The following ASIC1 variants were observed in gnomAD, a reference collection of about 807,000 sequenced individuals.
ASIC1 encodes acid sensing ion channel subunit 1.
A neutral mutation model predicts 63.4 loss-of-function variants in ASIC1; 21 were observed. The ratio of observed to expected loss-of-function variants is 0.33; its 90% CI spans 0.23 to 0.48. The LOEUF (loss-of-function observed/expected upper bound fraction) is 0.48, where lower values mean the gene tolerates loss of function less well. Among genes scored for constraint, ASIC1 ranks in the 20% least tolerant of loss-of-function variants. The pLI is 0.99. For synonymous variants in ASIC1, 258 were observed against 278.2 expected, an observed-to-expected ratio of 0.93 and a Z score of 0.72; for missense variants, 478 against 695.5, an observed-to-expected ratio of 0.69 and a Z score of 3.52.
chr12:50,073,271 C>T (rs927933921), intron 3 of ASIC1, among the ~76,000 whole-genome samples: 6 of 152,166 alleles, frequency 3.9e-5, no homozygotes, highest in Admixed American at 1.3e-4. Context: ...TCTGTGCTGC[C>T]GGAGCTGGTG....
chr12:50,058,897 C>A lies in ASIC1; in HGVS notation c.131C>A (p.Ala44Glu). The change falls in exon 2 of 12, where the codon GCA becomes GAA. Residue 44 changes from alanine to glutamate, a missense_variant. By Grantham distance (107) the Ala-to-Glu change is moderately radical. This residue lies in a region of ASIC1 where 290 missense variants were observed against 414.9 expected (regional missense o/e 0.70). Transcript: ENST00000447966. ...FSYERLSLKR[A>E]LWALCFLGSL... ...TACGAGCGGCTGTCTCTGAAGCGGGCACTGTGGGCCCTGTGCTTCCTGGGC... is the reference window on the plus strand; with the variant it reads ...TACGAGCGGCTGTCTCTGAAGCGGGAACTGTGGGCCCTGTGCTTCCTGGGC... 6.2e-7 allele frequency: 1 copy of A among 1,614,128 alleles called. No homozygotes were observed. Among genetic ancestry groups the A allele is most frequent in the Non-Finnish European group, 8.5e-7 (1 of 1,180,010 alleles).
chr12:50,076,967 G>T, intron 3 of ASIC1: 1 of 655,544 alleles, frequency 1.5e-6, no homozygotes, highest in Non-Finnish European at 2.8e-6. Flanking sequence ...ACCCCAACTA[G>T]AAGCCCATGC....
In ASIC1 at chr12:50,081,321, C is replaced by T. The variant is rs750518534; in HGVS notation, c.1439C>T (p.Ala480Val). The change falls in exon 11 of 12, where the codon GCG (alanine) becomes GTG (valine). Residue 480 changes from alanine to valine, a missense_variant. Ala to Val is a moderately conservative substitution (Grantham distance 64). Around this residue, in one of 3 missense-constraint regions of ASIC1, gnomAD observed 104 missense variants for 97.0 expected, o/e 1.07. Coordinates refer to ENST00000447966, the MANE Select transcript of ASIC1 (RefSeq NM_001095.4). ...CAGAAGGAGGCCAAAAGGAGCAGTG[C>T]GGACAAGGGCGTGGCCCTCAGCCTG... ...KCQKEAKRSS[A>V]DKGVALSLDD... 1.1e-5 allele frequency: 17 copies of T among 1,610,640 alleles called. No homozygotes were observed. The Middle Eastern group carries it at 5.0e-4, about 47-fold the overall frequency.
At chr12:50,073,474 G>A (rs996296571) in intron 3 of ASIC1, 41 of 1,426,968 alleles carry the variant, frequency 2.9e-5, no homozygotes, top group Admixed American at 1.1e-4. Context: ...CCTGGCTGAC[G>A]GGCTGGGTGG....
chr12:50,062,361 G>A (rs1346562742), intron 3 of ASIC1, among the ~76,000 whole-genome samples: 1 of 152,226 alleles, frequency 6.6e-6, no homozygotes, highest in Non-Finnish European at 1.5e-5. Flanking sequence ...CTAGCCCTGG[G>A]CAGATGTAGC....
At chr12:50,075,618 G>A (rs1407865379) in intron 3 of ASIC1, among the ~76,000 whole-genome samples, 1 of 152,192 alleles carries the variant, frequency 6.6e-6, no homozygotes, top group Non-Finnish European at 1.5e-5. Flanking sequence ...TCCTCTTCTG[G>A]AGGTCAATGG....
At chr12:50,075,219 A>G (rs946853918) in intron 3 of ASIC1, among the ~76,000 whole-genome samples, 1 of 151,600 alleles carries the variant, frequency 6.6e-6, no homozygotes. Flanking sequence ...GTGTCATCAT[A>G]CCCGTGCATC....
intron 8 of ASIC1, 101 bp downstream of exon 8, chr12:50,080,156 G>C (rs1456588384): frequency 1.4e-6 from 2 of 1,464,972 alleles, no homozygotes; most frequent in Middle Eastern, 1.9e-4. Flanking sequence ...GGGGGAACTT[G>C]AGATAACACG....
At chr12:50,079,880 C>T in intron 7 of ASIC1, 22 bp from the exon 8 acceptor site, 1 of 1,586,558 alleles carries the variant, frequency 6.3e-7, no homozygotes, top group Non-Finnish European at 8.6e-7. Flanking sequence ...TCAACTGAGA[C>T]CTCTCACCTG....
chr12:50,073,560 T>C (rs1484545704), intron 3 of ASIC1: 3 of 1,482,188 alleles, frequency 2.0e-6, no homozygotes, highest in Admixed American at 2.3e-5. Flanking sequence ...TGCAAATCCC[T>C]GGCACCAGGA....
intron 4 of ASIC1, 23 bp downstream of exon 4, chr12:50,077,386 C>T: frequency 6.2e-7 from 1 of 1,613,776 alleles, no homozygotes. Context: ...CTTCAGGGGC[C>T]CCTCTGCATG....
chr12:50,068,284 G>T (rs1950564800), intron 3 of ASIC1, among the ~76,000 whole-genome samples: 1 of 151,974 alleles, frequency 6.6e-6, no homozygotes, highest in Non-Finnish European at 1.5e-5. Context: ...AGACATTTGG[G>T]TTGTTACTAG....
intron 3 of ASIC1, among the ~76,000 whole-genome samples, chr12:50,069,808 C>G (rs1378364897): frequency 3.9e-5 from 6 of 152,000 alleles, no homozygotes; most frequent in Non-Finnish European, 7.4e-5. Flanking sequence ...GAGGGCAGGT[C>G]CATGATGTGT....
chr12:50,081,240 C>A lies in ASIC1; in HGVS notation c.1378-20C>A. On this transcript the variant is annotated intron_variant, in intron 10 of 11. Transcript: ENST00000447966. Reference sequence around the variant, plus strand: ...TGGGGGCGGGGTCCAGCCCGCCCACCTGCCCCGTCCCCGTCCTAGGTCATT... The same window carrying A: ...TGGGGGCGGGGTCCAGCCCGCCCACATGCCCCGTCCCCGTCCTAGGTCATT... The A allele has an allele frequency of 6.2e-7, 1 of 1,604,696 alleles. No individual in the cohort carries two copies. The highest frequency in any genetic ancestry group is 8.5e-7 in the Non-Finnish European group (1 of 1,175,820).
Position 50,078,395 on chromosome 12 carries a change from C to G in ASIC1, c.838-26C>G. 1.9e-6 allele frequency: 3 copies of G among 1,613,032 alleles called. No individual in the cohort carries two copies. Among genetic ancestry groups the G allele is most frequent in the Non-Finnish European group, 2.5e-6 (3 of 1,179,364 alleles). On this transcript the variant is annotated intron_variant, in intron 5 of 11. Transcript: ENST00000447966. The surrounding 1 kb of genome is among the most constrained non-coding windows in gnomAD (Gnocchi z 6.0). Reference sequence around the variant, plus strand: ...GATTTGGGGAGAAGTCCCCGCACTCCCCCAGCTCCCCGGCTCTCCCAGCAG... The same window carrying G: ...GATTTGGGGAGAAGTCCCCGCACTCGCCCAGCTCCCCGGCTCTCCCAGCAG...
Position 50,082,931 on chromosome 12 carries a change from C to T in ASIC1, c.*1282C>T, listed in dbSNP as rs1950735845. The stretch of plus-strand genomic sequence containing the variant: ...TTAACATTCTCTTCCCCTGCTCCTC[C>T]TATCCCATTGCCCTCTGCCCAGCTG... On this transcript the variant is annotated 3_prime_UTR_variant, in exon 12 of 12. Coordinates refer to ENST00000447966, the MANE Select transcript of ASIC1 (RefSeq NM_001095.4). The T allele has an allele frequency of 6.5e-6, 1 of 153,062 alleles. No homozygotes were observed. Among genetic ancestry groups the T allele is most frequent in the African/African-American group, 2.4e-5 (1 of 41,476 alleles). 9.5% of individuals were successfully genotyped at this position (153,062 alleles called of 1,614,324 possible).
At chr12:50,079,803 G>A (rs1420784650) in intron 7 of ASIC1, 99 bp from the exon 8 acceptor site, 10 of 1,381,004 alleles carry the variant, frequency 7.2e-6, no homozygotes, top group Non-Finnish European at 9.8e-6. Flanking sequence ...AAAGAGAAAG[G>A]GGCCCAGAGT....
intron 7 of ASIC1, among the ~76,000 whole-genome samples, chr12:50,079,576 T>C (rs1950693499): frequency 1.3e-5 from 2 of 152,072 alleles, no homozygotes; most frequent in Admixed American, 6.6e-5. Flanking sequence ...GTAAGAAATA[T>C]CCATGGGGAG....
chr12:50,062,806 T>G (rs1264625541), intron 3 of ASIC1, among the ~76,000 whole-genome samples: 2 of 152,206 alleles, frequency 1.3e-5, no homozygotes, highest in African/African-American at 4.8e-5. Flanking sequence ...TCTCCAGATG[T>G]GCTCCTGGAT....
Sources: allele counts gnomAD v4.1 joint callset (sites outside exome capture counted in the v4.1 genomes callset), GRCh38; gene constraint gnomAD v4.1.1; regional missense constraint gnomAD v4.1.1; non-coding constraint Gnocchi (gnomAD v3.1); transcripts MANE v1.5; gene names NCBI Gene and HGNC (gene_info 2026-07-23, HGNC 2026-07-21).